NMBR: variants seen among roughly 807,000 people sequenced by gnomAD.
NMBR encodes the protein neuromedin B receptor, also known as neuromedin-B receptor.
A neutral mutation model predicts 20.5 loss-of-function variants in NMBR; 16 were observed. That is an observed-to-expected ratio of 0.78 (90% confidence interval 0.53 to 1.19). The LOEUF (loss-of-function observed/expected upper bound fraction) is 1.19. NMBR is among the 50% of genes most tolerant of loss of function. The pLI is 0.00. For synonymous variants in NMBR, 212 were observed against 196.6 expected (o/e 1.08, Z -0.65); for missense variants, 582 against 499.1 (o/e 1.17, Z -1.58).
chr6:142,110,587 G>A (rs993194814), intron 1 of NMBR, among the ~76,000 whole-genome samples: 1 of 152,124 alleles, frequency 6.6e-6, no homozygotes, highest in Non-Finnish European at 1.5e-5. Context: ...AGGGGAGTTG[G>A]GGGGAAATGC....
rs1016011792 is a variant in NMBR, at chr6:142,141,861, C to T, written c.-664+5183G>A. On this transcript the variant is annotated intron_variant, in intron 1 of 3. Transcript: ENST00000258042. ...AAATAGAAGGATGCAAATAAAAATACGAGTACAAAACACAGTGATATAAAA... is the reference window on the plus strand; with the variant it reads ...AAATAGAAGGATGCAAATAAAAATATGAGTACAAAACACAGTGATATAAAA... 2.0e-5 allele frequency among the ~76,000 whole-genome samples: 3 copies of T among 152,090 alleles called. No homozygotes were observed. In the South Asian group the frequency reaches 6.2e-4, roughly 32 times the overall value.
intron 1 of NMBR, among the ~76,000 whole-genome samples, chr6:142,118,800 A>C (rs1466416490): frequency 9.9e-5 from 15 of 151,978 alleles, no homozygotes; most frequent in Admixed American, 9.8e-4. Flanking sequence ...AGTCTCACAA[A>C]GGGTGAGAGT....
At chr6:142,097,240 G>T (rs143566266) in intron 1 of NMBR, among the ~76,000 whole-genome samples, 1 of 152,044 alleles carries the variant, frequency 6.6e-6, no homozygotes, top group Admixed American at 6.6e-5. Flanking sequence ...GATTTTGCTC[G>T]TTAGTTGATG....
intron 1 of NMBR, among the ~76,000 whole-genome samples, chr6:142,095,619 T>C (rs1450008502): frequency 1.3e-5 from 2 of 152,180 alleles, no homozygotes; most frequent in Admixed American, 1.3e-4. Flanking sequence ...ATTCTCTTTT[T>C]TCTTGTGTCT....
rs1180366663 is a variant in NMBR, at chr6:142,075,524, C to G, written c.*124G>C. 8 of 874,034 alleles carry G rather than the reference C, an allele frequency of 9.2e-6. No homozygotes were observed. In the African/African-American group the frequency reaches 1.4e-4, roughly 15 times the overall value. The allele number at this position is 874,034 out of a possible 1,614,324, so 54.1% of individuals were successfully genotyped here. ...TCTAGTGTAGAGAAAAAATGTCTTG[C>G]ATTTTCTGAGTCAATCATGCAATTG... On this transcript the variant is annotated 3_prime_UTR_variant, in exon 4 of 4. Coordinates refer to ENST00000258042, the MANE Select transcript of NMBR (RefSeq NM_002511.4).
At chr6:142,117,819 G>A (rs891878255) in intron 1 of NMBR, among the ~76,000 whole-genome samples, 10 of 151,712 alleles carry the variant, frequency 6.6e-5, no homozygotes, top group African/African-American at 2.2e-4. Flanking sequence ...TGCCAAACAA[G>A]GCAATCATTA....
chr6:142,131,043 T>A (rs1778132562), intron 1 of NMBR, among the ~76,000 whole-genome samples: 1 of 152,194 alleles, frequency 6.6e-6, no homozygotes, highest in Admixed American at 6.5e-5. Context: ...TGTAAGTGTC[T>A]ACTGTAGTCA....
chr6:142,100,236 A>G (rs1274070450), intron 1 of NMBR, among the ~76,000 whole-genome samples: 4 of 152,222 alleles, frequency 2.6e-5, no homozygotes, highest in Non-Finnish European at 5.9e-5. Flanking sequence ...TTGAAAACAT[A>G]TGTCCACACA....
intron 1 of NMBR, chr6:142,135,216 A>T (rs1380870509): frequency 1.2e-5 from 2 of 170,026 alleles, no homozygotes; most frequent in African/African-American, 4.7e-5. Flanking sequence ...GTGGCCAGAG[A>T]AACTTTTATT....
chr6:142,119,071 CTG>C (rs995831799), intron 1 of NMBR, among the ~76,000 whole-genome samples: 13 of 152,142 alleles, frequency 8.5e-5, no homozygotes, highest in African/African-American at 2.9e-4. Context: ...GGAATGGACT[CTG>C]AGTATTGTTC....
At chr6:142,120,161 A>C (rs888006852) in intron 1 of NMBR, among the ~76,000 whole-genome samples, 1 of 151,946 alleles carries the variant, frequency 6.6e-6, no homozygotes, top group Non-Finnish European at 1.5e-5. Context: ...ATGGGGATTG[A>C]ATAATCTCTC....
intron 2 of NMBR, among the ~76,000 whole-genome samples, chr6:142,082,144 AC>A (rs1313588299): frequency 1.3e-5 from 2 of 152,172 alleles, no homozygotes; most frequent in Non-Finnish European, 2.9e-5. Context: ...TAATGACACT[AC>A]CCAAAATTTC....
At chr6:142,128,018 G>A (rs1018282926) in intron 1 of NMBR, among the ~76,000 whole-genome samples, 1 of 151,968 alleles carries the variant, frequency 6.6e-6, no homozygotes, top group Non-Finnish European at 1.5e-5. Context: ...TCGTTGAATT[G>A]TAATCCTCAA....
intron 1 of NMBR, among the ~76,000 whole-genome samples, chr6:142,122,906 G>A (rs1777969999): frequency 6.6e-6 from 1 of 151,860 alleles, no homozygotes; most frequent in Admixed American, 6.6e-5. Flanking sequence ...TGGTATAGAG[G>A]TACAAAGAGA....
intron 2 of NMBR, among the ~76,000 whole-genome samples, chr6:142,084,422 T>G (rs1777160796): frequency 6.6e-6 from 1 of 152,198 alleles, no homozygotes. Flanking sequence ...TTGCATTTAA[T>G]CCAACATTGG....
chr6:142,105,823 T>C (rs928097863), intron 1 of NMBR, among the ~76,000 whole-genome samples: 2 of 152,142 alleles, frequency 1.3e-5, no homozygotes, highest in South Asian at 4.1e-4. Flanking sequence ...TAAAAAACAT[T>C]TTATAATTTT....
intron 1 of NMBR, among the ~76,000 whole-genome samples, chr6:142,112,662 G>A (rs1777786589): frequency 6.6e-6 from 1 of 152,076 alleles, no homozygotes; most frequent in South Asian, 2.1e-4. Context: ...CTGAGTGCTG[G>A]TCACATTTTG....
intron 1 of NMBR, among the ~76,000 whole-genome samples, chr6:142,129,745 C>A (rs566438793): frequency 8.5e-5 from 13 of 152,256 alleles, no homozygotes; most frequent in African/African-American, 3.1e-4. Context: ...ATATAGTAGT[C>A]TGTATAACAA....
chr6:142,133,096 G>T, intron 1 of NMBR: 1 of 611,752 alleles, frequency 1.6e-6, no homozygotes, highest in South Asian at 1.9e-5. Flanking sequence ...TCTGGCAGAA[G>T]CAAACTGGCA....
Sources: gnomAD v4.1 joint callset for allele counts (sites outside exome capture counted in the v4.1 genomes callset) on GRCh38, gnomAD v4.1.1 for gene constraint, MANE v1.5 for transcripts, NCBI Gene and HGNC (gene_info 2026-07-23, HGNC 2026-07-21) for gene names.